The following PPARA variants were observed in gnomAD, a reference collection of about 807,000 sequenced individuals.
The protein encoded by PPARA is peroxisome proliferator activated receptor alpha.
Under a neutral mutation model 42.2 loss-of-function variants are expected in PPARA, and 22 were observed. The observed-to-expected ratio is 0.52, with a 90% CI of 0.37 to 0.74. PPARA has a LOEUF of 0.74. PPARA is among the 30% of genes least tolerant of loss of function. The pLI is 0.00. For synonymous variants in PPARA, 242 were observed against 239.3 expected, an observed-to-expected ratio of 1.01 and a Z score of -0.10; for missense variants, 465 against 608.2, an observed-to-expected ratio of 0.76 and a Z score of 2.48.
intron 3 of PPARA, among the ~76,000 whole-genome samples, chr22:46,186,088 A>C (rs1601684707): frequency 6.7e-6 from 1 of 150,336 alleles, no homozygotes; most frequent in East Asian, 2.0e-4. Context: ...AGTTAAAGGG[A>C]AAGGGCCTTT....
intron 7 of PPARA, among the ~76,000 whole-genome samples, chr22:46,223,379 A>C (rs1188908655): frequency 6.6e-6 from 1 of 151,966 alleles, no homozygotes; most frequent in African/African-American, 2.4e-5. Flanking sequence ...GCGGTGGCTC[A>C]TGCCTGTAAT....
chr22:46,175,436 G>A (rs569493678), intron 2 of PPARA, among the ~76,000 whole-genome samples: 103 of 151,974 alleles, frequency 6.8e-4, no homozygotes, highest in African/African-American at 2.2e-3. Flanking sequence ...CACATAGGCC[G>A]GGCGCGGTGG....
intron 2 of PPARA, among the ~76,000 whole-genome samples, chr22:46,174,948 G>C (rs185305202): frequency 2.5e-4 from 38 of 150,334 alleles, no homozygotes; most frequent in African/African-American, 7.1e-4. Flanking sequence ...GTCTCATTCT[G>C]TCACCCAGGC....
At chr22:46,217,804 A>G (rs968089930) in intron 5 of PPARA, among the ~76,000 whole-genome samples, 2 of 147,634 alleles carry the variant, frequency 1.4e-5, no homozygotes, top group Non-Finnish European at 3.0e-5. Flanking sequence ...GACTTCTTAG[A>G]AGAACTATTT....
rs1009355634 is a variant in PPARA, at chr22:46,231,584, C to T, written c.712-208C>T. Among the ~76,000 whole-genome samples the T allele has an allele frequency of 6.6e-6, 1 of 152,164 alleles. No individual in the cohort carries two copies. Among genetic ancestry groups the T allele is most frequent in the Non-Finnish European group, 1.5e-5 (1 of 68,044 alleles). ...TCAGGCGATGACTATTATTATTTTACTGATTTATACTGTTTGTTCTCTATT... is the reference window on the plus strand; with the variant it reads ...TCAGGCGATGACTATTATTATTTTATTGATTTATACTGTTTGTTCTCTATT... On this transcript the variant is annotated intron_variant, in intron 7 of 8. Coordinates refer to ENST00000407236, the MANE Select transcript of PPARA (RefSeq NM_005036.6). This position sits in a 1 kb window ranked among gnomAD's most constrained non-coding sequence, Gnocchi z 7.7.
At chr22:46,166,237 C>T (rs761417976) in intron 2 of PPARA, among the ~76,000 whole-genome samples, 2 of 152,152 alleles carry the variant, frequency 1.3e-5, no homozygotes, top group African/African-American at 4.8e-5. Context: ...GAGCATCTGT[C>T]GGTCAGTTTC....
At chr22:46,151,523 G>C (rs575976914) in intron 1 of PPARA, among the ~76,000 whole-genome samples, 1 of 152,370 alleles carries the variant, frequency 6.6e-6, no homozygotes, top group East Asian at 1.9e-4. Flanking sequence ...GTGCTTTTCT[G>C]AAGTCTTTTT....
intron 3 of PPARA, among the ~76,000 whole-genome samples, chr22:46,189,123 G>A (rs7364140): frequency 1.3e-5 from 2 of 152,206 alleles, no homozygotes; most frequent in Non-Finnish European, 2.9e-5. Flanking sequence ...TCTTGTGGCA[G>A]GCCTCTCGGC....
Position 46,212,258 on chromosome 22 carries a change from T to A in PPARA, c.209-2915T>A, listed in dbSNP as rs1601763091. Among the ~76,000 whole-genome samples the A allele has an allele frequency of 6.6e-6, 1 of 152,152 alleles. No individual in the cohort carries two copies. Among genetic ancestry groups the A allele is most frequent in the Non-Finnish European group, 1.5e-5 (1 of 68,024 alleles). The stretch of plus-strand genomic sequence containing the variant: ...TTTTTGTAAAGATAGGGTTTCACCA[T>A]GTTGCCCAGGCTGGTCTCAAACTCC... On this transcript the variant is annotated intron_variant, in intron 4 of 8. Coordinates refer to ENST00000407236, the MANE Select transcript of PPARA (RefSeq NM_005036.6). The surrounding 1 kb of genome is among the most constrained non-coding windows in gnomAD (Gnocchi z 4.2).
Position 46,231,367 on chromosome 22 carries a change from C to T in PPARA, c.712-425C>T, listed in dbSNP as rs921990591. ...CCGAGTAGCTGGGACTACAGGCGCCCGCCACCACACCCAGCTAATTTTTTT... is the reference window on the plus strand; with the variant it reads ...CCGAGTAGCTGGGACTACAGGCGCCTGCCACCACACCCAGCTAATTTTTTT... On this transcript the variant is annotated intron_variant, in intron 7 of 8. Transcript: ENST00000407236. The surrounding 1 kb of genome is among the most constrained non-coding windows in gnomAD (Gnocchi z 7.7). Among the ~76,000 whole-genome samples the T allele has an allele frequency of 5.3e-5, 8 of 152,188 alleles. No homozygotes were observed. Among genetic ancestry groups the T allele is most frequent in the African/African-American group, 9.6e-5 (4 of 41,536 alleles).
intron 2 of PPARA, among the ~76,000 whole-genome samples, chr22:46,152,499 G>A (rs935630299): frequency 1.8e-4 from 27 of 152,132 alleles, no homozygotes; most frequent in African/African-American, 5.8e-4. Context: ...CTTCGTGGCA[G>A]GCATGTTTTG....
In PPARA at chr22:46,196,744, G is replaced by A. The variant is rs1932278563; in HGVS notation, c.-42-1598G>A. 6.6e-6 allele frequency among the ~76,000 whole-genome samples: 1 copy of A among 152,106 alleles called. No individual in the cohort carries two copies. The highest frequency in any genetic ancestry group is 2.1e-4 in the South Asian group (1 of 4,822). ...TAGTTGTTGTTGTTGCTGTTTTGAG[G>A]TGGAGTCTTGCTTTGTCGCCCAGGC... On this transcript the variant is annotated intron_variant, in intron 3 of 8. Coordinates refer to ENST00000407236, the MANE Select transcript of PPARA (RefSeq NM_005036.6). This position sits in a 1 kb window ranked among gnomAD's most constrained non-coding sequence, Gnocchi z 5.6.
At chr22:46,220,347 C>T in intron 7 of PPARA, 1 of 362,450 alleles carries the variant, frequency 2.8e-6, no homozygotes, top group Non-Finnish European at 5.3e-6. Context: ...TAGGTTCTTG[C>T]TCTGTTGCCC....
chr22:46,164,096 G>T (rs1355399723), intron 2 of PPARA: 1 of 152,050 alleles, frequency 6.6e-6, no homozygotes, highest in Non-Finnish European at 1.5e-5. Flanking sequence ...GTGGGCGCCT[G>T]TAATCCCAGC....
chr22:46,197,017 G>A (rs1317224184), intron 3 of PPARA, among the ~76,000 whole-genome samples: 2 of 151,694 alleles, frequency 1.3e-5, no homozygotes, highest in East Asian at 1.9e-4. Context: ...CACTGCACCC[G>A]ACCCTGTTTT....
At chr22:46,214,148 A>C (rs1934208939) in intron 4 of PPARA, among the ~76,000 whole-genome samples, 1 of 152,208 alleles carries the variant, frequency 6.6e-6, no homozygotes, top group Non-Finnish European at 1.5e-5. Flanking sequence ...AAGAACTGGA[A>C]GAAAGGAAGC....
At chr22:46,215,451 C>A in intron 5 of PPARA, 118 bp downstream of exon 5, 3 of 1,384,176 alleles carry the variant, frequency 2.2e-6, no homozygotes, top group South Asian at 2.4e-5. Context: ...AAGAAACTGA[C>A]TTCAGGCCAG....
In PPARA at chr22:46,151,812, C is replaced by G. The variant is rs1924480726; in HGVS notation, c.-209-76C>G. Reference sequence around the variant, plus strand: ...GCGGGGCAGGGTCAGCATGACTTTCCTCTTCCAAGGTGAAGAGTTGGGGGG... The same window carrying G: ...GCGGGGCAGGGTCAGCATGACTTTCGTCTTCCAAGGTGAAGAGTTGGGGGG... On this transcript the variant is annotated intron_variant, in intron 1 of 8. Transcript: ENST00000407236. The G allele has an allele frequency of 2.0e-5, 3 of 152,398 alleles. No homozygotes were observed. The South Asian group carries it at 6.2e-4, about 32-fold the overall frequency. 9.4% of individuals were successfully genotyped at this position (152,398 alleles called of 1,614,324 possible).
At chr22:46,153,886 GA>G (rs1192562651) in intron 2 of PPARA, among the ~76,000 whole-genome samples, 1 of 152,036 alleles carries the variant, frequency 6.6e-6, no homozygotes, top group Non-Finnish European at 1.5e-5. Flanking sequence ...ATATGAGAGA[GA>G]CAGAACTAGA....
Sources: gnomAD v4.1 joint callset for allele counts (sites outside exome capture counted in the v4.1 genomes callset) on GRCh38, gnomAD v4.1.1 for gene constraint, Gnocchi (gnomAD v3.1) non-coding constraint, MANE v1.5 for transcripts, NCBI Gene and HGNC (gene_info 2026-07-23, HGNC 2026-07-21) for gene names.